PDE4D: variants seen among roughly 807,000 people sequenced by gnomAD.
PDE4D encodes phosphodiesterase 4D, also known as 3',5'-cyclic-AMP phosphodiesterase 4D.
Under a neutral mutation model 87.4 loss-of-function variants are expected in PDE4D, and 24 were observed. That is an observed-to-expected ratio of 0.27 (90% confidence interval 0.20 to 0.39). The LOEUF (loss-of-function observed/expected upper bound fraction) is 0.39, where lower values mean the gene tolerates loss of function less well. PDE4D is among the 10% of genes least tolerant of loss of function. The probability of loss-of-function intolerance (pLI) is 1.00; values close to 1 mark genes in which losing one functional copy is unlikely to be tolerated. For missense variants in PDE4D, 714 were observed against 1,041.0 expected, an observed-to-expected ratio of 0.69 and a Z score of 4.32; for synonymous variants, 384 against 383.2, an observed-to-expected ratio of 1.00 and a Z score of -0.02.
At chr5:59,113,564 A>G (rs1334211510) in intron 5 of PDE4D, among the ~76,000 whole-genome samples, 1 of 152,238 alleles carries the variant, frequency 6.6e-6, no homozygotes, top group Non-Finnish European at 1.5e-5. Context: ...AAAATTTCTG[A>G]AAACTTAGCT....
At chr5:59,033,988 C>A (rs773725158) in intron 6 of PDE4D, among the ~76,000 whole-genome samples, 1 of 152,066 alleles carries the variant, frequency 6.6e-6, no homozygotes, top group Admixed American at 6.5e-5. Flanking sequence ...TTGTTTTAAT[C>A]CTAAGTTTTA....
rs1018806768 is a variant in PDE4D, at chr5:60,215,725, A to G, written c.-89-30038T>C. 2.6e-5 allele frequency among the ~76,000 whole-genome samples: 4 copies of G among 152,140 alleles called. No homozygotes were observed. The South Asian group carries it at 8.3e-4, about 32-fold the overall frequency. On this transcript the variant is annotated intron_variant, in intron 1 of 16. Coordinates refer to the PDE4D transcript ENST00000502484. ...AATGTTGGGGCCCTATCCCAGACCT[A>G]TGTTATCATAAACTCTGAGAGATTT...
rs544729926 is a variant in PDE4D, at chr5:60,437,304, CTCTAAG to C, written c.-90+50632_-90+50637del. ...GTTTTGGGCAGGCTATTTGACCGGT[CTCTAAG>C]TCTAAGTTTATTCATCTGTAAGGTA... On this transcript the variant is annotated intron_variant, in intron 1 of 16. Coordinates refer to the PDE4D transcript ENST00000502484. 1.5e-3 allele frequency among the ~76,000 whole-genome samples: 234 copies of C among 152,206 alleles called. 3 individuals carry two copies. The highest frequency in any genetic ancestry group is 3.4e-3 in the Middle Eastern group (1 of 294).
At position 60,389,712 on chromosome 5, in the gene PDE4D, C is replaced by A. The variant is rs144440228; in HGVS notation, c.-90+98230G>T. On this transcript the variant is annotated intron_variant, in intron 1 of 16. Coordinates refer to the PDE4D transcript ENST00000502484. ...CAGTTTCCTCTCCATACGGGCCTTT[C>A]TATGGGCTTCTTCACAACATGTTGG... 1.8e-3 allele frequency among the ~76,000 whole-genome samples: 274 copies of A among 152,234 alleles called. 4 individuals carry two copies. The highest frequency in any genetic ancestry group is 0.016 in the Admixed American group (241 of 15,292).
At chr5:60,138,810 T>C (rs542473541) in intron 2 of PDE4D, among the ~76,000 whole-genome samples, 1 of 152,086 alleles carries the variant, frequency 6.6e-6, no homozygotes, top group Non-Finnish European at 1.5e-5. Flanking sequence ...ATATAACTAC[T>C]ATAAATAATT....
intron 1 of PDE4D, among the ~76,000 whole-genome samples, chr5:60,446,384 T>C (rs947112159): frequency 6.6e-6 from 1 of 152,182 alleles, no homozygotes; most frequent in Non-Finnish European, 1.5e-5. Flanking sequence ...GTTAATGTTA[T>C]TTAACCATTA....
chr5:59,082,741 CTTAGA>C (rs139435579), intron 5 of PDE4D, among the ~76,000 whole-genome samples: 10,537 of 152,092 alleles, frequency 0.069, 477 homozygotes, highest in Middle Eastern at 0.12. Context: ...GATATCAAGT[CTTAGA>C]TTAATCTATG....
intron 1 of PDE4D, among the ~76,000 whole-genome samples, chr5:59,534,118 C>T (rs1334888460): frequency 6.6e-6 from 1 of 152,088 alleles, no homozygotes; most frequent in Non-Finnish European, 1.5e-5. Flanking sequence ...AAATGCTTTT[C>T]ACATGTTAAT....
chr5:59,345,541 C>A (rs998780918), intron 1 of PDE4D, among the ~76,000 whole-genome samples: 1 of 152,118 alleles, frequency 6.6e-6, no homozygotes, highest in African/African-American at 2.4e-5. Flanking sequence ...ACATAGTATT[C>A]ATCATGAGGA....
intron 1 of PDE4D, among the ~76,000 whole-genome samples, chr5:59,788,378 G>C (rs1765400422): frequency 6.6e-6 from 1 of 152,236 alleles, no homozygotes; most frequent in Admixed American, 6.5e-5. Flanking sequence ...TCTGAAGGAA[G>C]GAGGCATTCT....
chr5:60,453,815 T>C (rs572318406), intron 1 of PDE4D, among the ~76,000 whole-genome samples: 1 of 152,298 alleles, frequency 6.6e-6, no homozygotes, highest in Non-Finnish European at 1.5e-5. Context: ...TGGCAATTTC[T>C]AAGCTATCCT....
intron 2 of PDE4D, among the ~76,000 whole-genome samples, chr5:60,174,357 A>T (rs1440414354): frequency 6.6e-6 from 1 of 152,140 alleles, no homozygotes; most frequent in Non-Finnish European, 1.5e-5. Flanking sequence ...GTCAAAAGAG[A>T]TATACATGGA....
chr5:59,576,459 A>C (rs982289854), intron 1 of PDE4D, among the ~76,000 whole-genome samples: 3 of 152,186 alleles, frequency 2.0e-5, no homozygotes, highest in Admixed American at 1.3e-4. Context: ...TATTTGAAAA[A>C]TATAAAGTTA....
intron 2 of PDE4D, chr5:60,021,280 T>C (rs1301812435): frequency 2.0e-5 from 3 of 152,196 alleles, no homozygotes; most frequent in Non-Finnish European, 4.4e-5. Flanking sequence ...CTCAATGACA[T>C]GCAACAAGAA....
chr5:60,036,971 T>C (rs1767879625), intron 2 of PDE4D, among the ~76,000 whole-genome samples: 1 of 152,196 alleles, frequency 6.6e-6, no homozygotes, highest in South Asian at 2.1e-4. Context: ...TTTAAAAACA[T>C]TTTGTCTTAT....
chr5:59,136,444 G>C (rs1352824315), intron 5 of PDE4D, among the ~76,000 whole-genome samples: 1 of 152,116 alleles, frequency 6.6e-6, no homozygotes, highest in African/African-American at 2.4e-5. Context: ...TGCCTGCAGT[G>C]TTATTTGTAT....
rs188694345 is a variant in PDE4D, at chr5:59,524,995, G to A, written c.456-309027C>T. Among the ~76,000 whole-genome samples the A allele has an allele frequency of 2.7e-4, 41 of 152,330 alleles. No homozygotes were observed. In the East Asian group the frequency reaches 3.9e-3, roughly 14 times the overall value. On this transcript the variant is annotated intron_variant, in intron 1 of 14. Coordinates refer to ENST00000340635, the MANE Select transcript of PDE4D (RefSeq NM_001104631.2). The stretch of plus-strand genomic sequence containing the variant: ...AGCCTGCTGCAGGGACGGGGCCCTC[G>A]TGGAGAACCTCTGCTGGGGCAGTGC...
rs149636993 is a variant in PDE4D at position 60,177,391 on chromosome 5, T to C, written c.42+8166A>G. On this transcript the variant is annotated intron_variant, in intron 2 of 16. Coordinates refer to the PDE4D transcript ENST00000502484. ...AATATTACAGCTCTTATCAGCAACA[T>C]ATATGGGTAAATTAAGAAAATTAAT... Among the ~76,000 whole-genome samples the C allele has an allele frequency of 2.1e-4, 32 of 152,254 alleles. No individual in the cohort carries two copies. In the East Asian group the frequency reaches 5.4e-3, roughly 26 times the overall value.
chr5:59,517,151 GA>G (rs35453725), intron 1 of PDE4D, among the ~76,000 whole-genome samples: 1 of 151,900 alleles, frequency 6.6e-6, no homozygotes, highest in African/African-American at 2.4e-5. Flanking sequence ...ATAAAGGAAA[GA>G]AAAAATGCTT....
Sources: gnomAD v4.1 joint callset for allele counts (sites outside exome capture counted in the v4.1 genomes callset) on GRCh38, gnomAD v4.1.1 for gene constraint, MANE v1.5 for transcripts, NCBI Gene and HGNC (gene_info 2026-07-23, HGNC 2026-07-21) for gene names.